Variants in CPNE4 observed in about 807,000 individuals in gnomAD.
The protein encoded by CPNE4 is copine 4.
In CPNE4, 25 loss-of-function variants were observed where a neutral mutation model predicts 67.9. The observed-to-expected ratio is 0.37, with a 90% CI of 0.27 to 0.51. CPNE4 has a LOEUF of 0.51. Ranked by LOEUF, CPNE4 falls within the 20% of genes least tolerant of loss-of-function variation. CPNE4 has a pLI of 0.93. For synonymous variants in CPNE4, 242 were observed against 244.9 expected (o/e 0.99, Z 0.11); for missense variants, 464 against 690.8 (o/e 0.67, Z 3.68).
At chr3:131,715,210 T>G (rs1460285425) in intron 3 of CPNE4, among the ~76,000 whole-genome samples, 2 of 152,204 alleles carry the variant, frequency 1.3e-5, no homozygotes, top group Non-Finnish European at 2.9e-5. Flanking sequence ...GTTGACACAC[T>G]GCCATTTTTT....
intron 4 of CPNE4, among the ~76,000 whole-genome samples, chr3:131,697,598 A>G (rs532679884): frequency 6.6e-6 from 1 of 152,328 alleles, no homozygotes; most frequent in African/African-American, 2.4e-5. Flanking sequence ...CTTAAGACAG[A>G]TAGACCCAAA....
intron 1 of CPNE4, among the ~76,000 whole-genome samples, chr3:132,019,156 A>C (rs1290083249): frequency 6.6e-6 from 1 of 152,210 alleles, no homozygotes; most frequent in Non-Finnish European, 1.5e-5. Context: ...AAACAAAAAA[A>C]AAATAGGAAA....
At chr3:131,985,100 C>T (rs904656252) in intron 1 of CPNE4, among the ~76,000 whole-genome samples, 2 of 152,174 alleles carry the variant, frequency 1.3e-5, no homozygotes, top group Non-Finnish European at 2.9e-5. Context: ...GGCTCCCTTC[C>T]AAGTTGCAGA....
intron 2 of CPNE4, among the ~76,000 whole-genome samples, chr3:131,765,494 A>G (rs2082989557): frequency 6.6e-6 from 1 of 152,076 alleles, no homozygotes; most frequent in East Asian, 1.9e-4. Context: ...CCCAGTCCCA[A>G]CCAGTTCTCT....
At chr3:131,893,798 T>A (rs932769093) in intron 2 of CPNE4, among the ~76,000 whole-genome samples, 15 of 151,982 alleles carry the variant, frequency 9.9e-5, no homozygotes, top group Middle Eastern at 3.4e-3. Flanking sequence ...TACCAAAACC[T>A]GTGGAATGCA....
intron 7 of CPNE4, among the ~76,000 whole-genome samples, chr3:131,650,497 C>G (rs977932144): frequency 6.6e-6 from 1 of 151,258 alleles, no homozygotes; most frequent in Non-Finnish European, 1.5e-5. Flanking sequence ...GTGGCTCACG[C>G]TTGTAATCCC....
intron 2 of CPNE4, among the ~76,000 whole-genome samples, chr3:131,860,459 A>G (rs2086629923): frequency 2.0e-5 from 3 of 152,206 alleles, no homozygotes; most frequent in Non-Finnish European, 4.4e-5. Context: ...TAGTTGAGAC[A>G]ATGTCTAGAT....
At chr3:131,540,979 T>A (rs1935447872) in intron 15 of CPNE4, among the ~76,000 whole-genome samples, 1 of 152,132 alleles carries the variant, frequency 6.6e-6, no homozygotes, top group South Asian at 2.1e-4. Flanking sequence ...GTACTGAAGG[T>A]TCTGAAGATT....
intron 1 of CPNE4, among the ~76,000 whole-genome samples, chr3:132,008,916 T>A (rs550108350): frequency 6.6e-6 from 1 of 152,348 alleles, no homozygotes; most frequent in South Asian, 2.1e-4. Context: ...GCCTTTTGCA[T>A]CCTGGGATTA....
At chr3:131,620,147 T>C (rs1940384984) in intron 7 of CPNE4, among the ~76,000 whole-genome samples, 1 of 152,176 alleles carries the variant, frequency 6.6e-6, no homozygotes, top group Non-Finnish European at 1.5e-5. Context: ...TCTGGTTGCA[T>C]ATGTTGGAGA....
At chr3:131,926,001 T>C (rs2070883296) in intron 1 of CPNE4, among the ~76,000 whole-genome samples, 2 of 152,146 alleles carry the variant, frequency 1.3e-5, no homozygotes, top group South Asian at 2.1e-4. Context: ...AAGAGACTAA[T>C]AGAAACAAAC....
At chr3:131,594,224 G>T (rs1282454979) in intron 7 of CPNE4, among the ~76,000 whole-genome samples, 1 of 152,062 alleles carries the variant, frequency 6.6e-6, no homozygotes, top group African/African-American at 2.4e-5. Flanking sequence ...ATTAAATTTT[G>T]TCAACCCAGA....
intron 2 of CPNE4, among the ~76,000 whole-genome samples, chr3:131,902,832 A>C (rs986703816): frequency 1.3e-5 from 2 of 152,140 alleles, no homozygotes; most frequent in African/African-American, 4.8e-5. Context: ...AATAAAAAAT[A>C]ATGAGACTAA....
intron 2 of CPNE4, among the ~76,000 whole-genome samples, chr3:131,883,674 C>G (rs569108045): frequency 7.9e-5 from 12 of 151,618 alleles, no homozygotes; most frequent in Non-Finnish European, 1.0e-4. Context: ...TTTCTTATAC[C>G]AGTGCCTCAT....
At chr3:131,605,809 C>G (rs1454004912) in intron 7 of CPNE4, among the ~76,000 whole-genome samples, 1 of 152,124 alleles carries the variant, frequency 6.6e-6, no homozygotes, top group Non-Finnish European at 1.5e-5. Context: ...TTAAAGATTA[C>G]TCCCCAAACT....
At chr3:131,868,096 A>T (rs1241798017) in intron 2 of CPNE4, among the ~76,000 whole-genome samples, 1 of 152,194 alleles carries the variant, frequency 6.6e-6, no homozygotes, top group South Asian at 2.1e-4. Context: ...TATTTGTATA[A>T]ATCTTCTCAC....
intron 2 of CPNE4, 129 bp downstream of exon 2, chr3:131,905,135 A>G: frequency 1.2e-6 from 1 of 821,448 alleles, no homozygotes; most frequent in Non-Finnish European, 2.0e-6. Context: ...TCATGATAGA[A>G]ATGTGATCAT....
rs147048898 is a variant in CPNE4 at position 131,866,614 on chromosome 3, C to G, written c.180+38650G>C. Among the ~76,000 whole-genome samples the G allele has an allele frequency of 3.7e-3, 571 of 152,304 alleles. 6 individuals carry two copies. Among genetic ancestry groups the G allele is most frequent in the African/African-American group, 0.013 (532 of 41,570 alleles). On this transcript the variant is annotated intron_variant, in intron 2 of 15. Coordinates refer to ENST00000429747, the MANE Select transcript of CPNE4 (RefSeq NM_130808.3). The stretch of plus-strand genomic sequence containing the variant: ...TTTACAGCTGAATACTACTGCCTCT[C>G]TCTCATATGCCCTCAATGCAGAATT...
At chr3:132,001,839 C>CT (rs1359488781) in intron 1 of CPNE4, among the ~76,000 whole-genome samples, 2 of 152,066 alleles carry the variant, frequency 1.3e-5, no homozygotes, top group Non-Finnish European at 2.9e-5. Context: ...ATTACAGTAG[C>CT]TTTTTAAGCT....
Sources: allele counts gnomAD v4.1 joint callset (sites outside exome capture counted in the v4.1 genomes callset), GRCh38; gene constraint gnomAD v4.1.1; transcripts MANE v1.5; gene names NCBI Gene and HGNC (gene_info 2026-07-23, HGNC 2026-07-21).